AKAP13: variants seen among roughly 807,000 people sequenced by gnomAD.
AKAP13 encodes the protein A-kinase anchoring protein 13.
AKAP13 carries 80 observed loss-of-function variants against 264.5 expected under a neutral mutation model. That is an observed-to-expected ratio of 0.30 (90% CI 0.25 to 0.36). AKAP13 has a LOEUF of 0.36. Among genes scored for constraint, AKAP13 ranks in the 10% least tolerant of loss-of-function variants. The pLI is 1.00. For synonymous variants in AKAP13, 1,380 were observed against 1,250.2 expected, an observed-to-expected ratio of 1.10 and a Z score of -2.19; for missense variants, 3,712 against 3,435.2, an observed-to-expected ratio of 1.08 and a Z score of -2.01.
intron 5 of AKAP13, among the ~76,000 whole-genome samples, chr15:85,564,779 C>T (rs568630211): frequency 6.6e-6 from 1 of 152,190 alleles, no homozygotes; most frequent in East Asian, 1.9e-4. Flanking sequence ...ACTCTTCTGC[C>T]CTGGAGTGAA....
chr15:85,656,631 G>C (rs560026184), intron 11 of AKAP13, among the ~76,000 whole-genome samples: 1 of 152,168 alleles, frequency 6.6e-6, no homozygotes, highest in African/African-American at 2.4e-5. Flanking sequence ...TGTATTTTTA[G>C]TAGAGACAGG....
intron 1 of AKAP13, chr15:85,415,112 T>G: frequency 4.7e-6 from 3 of 645,086 alleles, no homozygotes; most frequent in South Asian, 3.7e-5. Context: ...CTATAATTAG[T>G]AACAGCATCC....
intron 8 of AKAP13, among the ~76,000 whole-genome samples, chr15:85,622,622 C>G (rs2081246386): frequency 6.6e-6 from 1 of 152,116 alleles, no homozygotes; most frequent in African/African-American, 2.4e-5. Context: ...ATTTTGTGGT[C>G]TGAAGTGGGA....
At chr15:85,540,579 G>A (rs2077552007) in intron 4 of AKAP13, among the ~76,000 whole-genome samples, 1 of 152,194 alleles carries the variant, frequency 6.6e-6, no homozygotes. Context: ...TCAGATTACA[G>A]AGGAGTACTG....
chr15:85,513,219 C>T (rs1329505303), intron 2 of AKAP13, among the ~76,000 whole-genome samples: 1 of 152,130 alleles, frequency 6.6e-6, no homozygotes, highest in Non-Finnish European at 1.5e-5. Flanking sequence ...TGGACAGGCT[C>T]CATGCTCTCA....
Position 85,727,228 on chromosome 15 carries a change from C to A in AKAP13, c.6985C>A (p.Gln2329Lys). ...ACGAAACAGCTGGATTCAGATCATTCAGGACACAATCAACACCCTGTAAGT... is the reference window on the plus strand; with the variant it reads ...ACGAAACAGCTGGATTCAGATCATTAAGGACACAATCAACACCCTGTAAGT... ...EERNSWIQII[Q>K]DTINTLNRDE... Residue 2329 changes from glutamine (Q) to lysine (K), a missense_variant, in exon 28 of 37, where the codon CAG becomes AAG. By Grantham distance (53) the Gln-to-Lys change is moderately conservative (BLOSUM62 1). Around this residue, in one of 3 missense-constraint regions of AKAP13, gnomAD observed 342 missense variants for 484.3 expected, o/e 0.71. Transcript: ENST00000394518. The surrounding 1 kb of genome is among the most constrained non-coding windows in gnomAD (Gnocchi z 5.3). 6.2e-7 allele frequency: 1 copy of A among 1,614,180 alleles called. No individual in the cohort carries two copies.
At chr15:85,488,546 A>G (rs933675460) in intron 2 of AKAP13, among the ~76,000 whole-genome samples, 1 of 152,236 alleles carries the variant, frequency 6.6e-6, no homozygotes, top group South Asian at 2.1e-4. Flanking sequence ...AGAACTTTTC[A>G]TACTTGATTA....
intron 5 of AKAP13, among the ~76,000 whole-genome samples, chr15:85,561,946 T>C (rs6496094): frequency 0.67 from 101,661 of 152,054 alleles, 34,073 homozygotes; most frequent in Middle Eastern, 0.78. Flanking sequence ...CTGCATTCTC[T>C]GCTACAAAAT....
At chr15:85,390,270 TAGGA>T (rs941802101) in intron 1 of AKAP13, among the ~76,000 whole-genome samples, 56 of 152,296 alleles carry the variant, frequency 3.7e-4, no homozygotes, top group Admixed American at 3.6e-3. Flanking sequence ...GTGATGATTC[TAGGA>T]AGGATATGAA....
intron 5 of AKAP13, among the ~76,000 whole-genome samples, chr15:85,570,400 C>T (rs753279960): frequency 2.0e-5 from 3 of 152,136 alleles, no homozygotes; most frequent in Admixed American, 6.5e-5. Context: ...TGCAGTTAGC[C>T]GAGATCGCGC....
intron 22 of AKAP13, 42 bp from the exon 23 acceptor site, chr15:85,719,034 T>TAA (rs2087127263): frequency 1.9e-6 from 3 of 1,606,448 alleles, no homozygotes; most frequent in Non-Finnish European, 2.5e-6. Context: ...CGAATGCTTA[T>TAA]AAAAGAGTGT....
intron 30 of AKAP13, among the ~76,000 whole-genome samples, chr15:85,732,920 T>C (rs1464356561): frequency 2.0e-5 from 3 of 152,156 alleles, no homozygotes; most frequent in African/African-American, 4.8e-5. Flanking sequence ...CCACTACATA[T>C]GACTTTTACT....
At chr15:85,620,139 G>A (rs1171326515) in intron 8 of AKAP13, 2 of 1,535,988 alleles carry the variant, frequency 1.3e-6, no homozygotes, top group African/African-American at 1.4e-5. Flanking sequence ...ACATCTCCAA[G>A]GTGGACAGGA....
chr15:85,559,591 A>T (rs947656288), intron 5 of AKAP13, among the ~76,000 whole-genome samples: 3 of 152,172 alleles, frequency 2.0e-5, no homozygotes, highest in Admixed American at 1.3e-4. Flanking sequence ...TCAGGGGGTG[A>T]TGGGAGACAG....
chr15:85,613,541 C>T (rs570195007), intron 8 of AKAP13, among the ~76,000 whole-genome samples: 9 of 151,496 alleles, frequency 5.9e-5, no homozygotes, highest in East Asian at 5.8e-4. Flanking sequence ...ATTAGCTGGG[C>T]GTGGTGGCGG....
intron 1 of AKAP13, among the ~76,000 whole-genome samples, chr15:85,395,106 C>T (rs563133728): frequency 7.2e-5 from 11 of 152,028 alleles, no homozygotes; most frequent in Non-Finnish European, 1.2e-4. Flanking sequence ...TCAGAGGAAC[C>T]GTTCATTGTT....
chr15:85,639,014 C>A (rs2082188105), intron 8 of AKAP13, among the ~76,000 whole-genome samples: 1 of 152,182 alleles, frequency 6.6e-6, no homozygotes, highest in Admixed American at 6.5e-5. Context: ...CCACCTCAGC[C>A]TCCCAAAGTG....
chr15:85,396,946 C>T (rs761964908), intron 1 of AKAP13, among the ~76,000 whole-genome samples: 6 of 145,876 alleles, frequency 4.1e-5, no homozygotes, highest in Non-Finnish European at 9.0e-5. Flanking sequence ...CTCTTAAGTA[C>T]CAGCACAGGA....
At chr15:85,388,807 T>C (rs1378174962) in intron 1 of AKAP13, among the ~76,000 whole-genome samples, 7 of 152,212 alleles carry the variant, frequency 4.6e-5, no homozygotes, top group Non-Finnish European at 1.0e-4. Flanking sequence ...CTTGATCATA[T>C]GTATAATATT....
Sources: gnomAD v4.1 joint callset for allele counts (sites outside exome capture counted in the v4.1 genomes callset) on GRCh38, gnomAD v4.1.1 for gene constraint, gnomAD v4.1.1 regional missense constraint, Gnocchi (gnomAD v3.1) non-coding constraint, MANE v1.5 for transcripts, NCBI Gene and HGNC (gene_info 2026-07-23, HGNC 2026-07-21) for gene names.